PNPLA1: variants seen among roughly 807,000 people sequenced by gnomAD.
PNPLA1 encodes the protein omega-hydroxyceramide transacylase.
A neutral mutation model predicts 51.7 loss-of-function variants in PNPLA1; 36 were observed. The observed-to-expected ratio is 0.70, with a 90% CI of 0.53 to 0.92. The LOEUF is 0.92. PNPLA1 is among the 40% of genes least tolerant of loss of function. The pLI is 0.00. For missense variants in PNPLA1, 658 were observed against 682.5 expected (o/e 0.96, Z 0.40); for synonymous variants, 293 against 280.1 (o/e 1.05, Z -0.46).
chr6:36,246,227 C>T (rs958603087), intron 1 of PNPLA1, among the ~76,000 whole-genome samples: 1 of 151,166 alleles, frequency 6.6e-6, no homozygotes, highest in South Asian at 2.1e-4. Flanking sequence ...TTTTTTTTGA[C>T]GAGGTCTTAC....
chr6:36,295,445 A>C, intron 5 of PNPLA1, 21 bp downstream of exon 5: 1 of 1,611,754 alleles, frequency 6.2e-7, no homozygotes, highest in Non-Finnish European at 8.5e-7. Flanking sequence ...GTGGGGCCCC[A>C]GGTAAGGGCA....
At chr6:36,244,100 G>A (rs6900724) in intron 1 of PNPLA1, among the ~76,000 whole-genome samples, 458 of 152,158 alleles carry the variant, frequency 3.0e-3, no homozygotes, top group African/African-American at 0.01. Context: ...CATGCACAGC[G>A]TTTCTTTCTC....
chr6:36,284,160 A>C (rs1770404370), intron 1 of PNPLA1, among the ~76,000 whole-genome samples: 1 of 152,250 alleles, frequency 6.6e-6, no homozygotes, highest in Admixed American at 6.5e-5. Context: ...ACCTGAGGGC[A>C]AGCAAAGAGT....
chr6:36,292,980 G>T, intron 2 of PNPLA1, 81 bp from the exon 3 acceptor site: 1 of 1,248,690 alleles, frequency 8.0e-7, no homozygotes, highest in South Asian at 1.4e-5. Context: ...GCTGGTGGTG[G>T]GTGGCCCAGG....
intron 1 of PNPLA1, among the ~76,000 whole-genome samples, chr6:36,282,607 T>G (rs983701440): frequency 6.6e-6 from 1 of 152,198 alleles, no homozygotes; most frequent in Admixed American, 6.5e-5. Flanking sequence ...TATCAGCAGG[T>G]GCTAACTGAG....
At chr6:36,250,327 C>T (rs1176414606) in intron 1 of PNPLA1, among the ~76,000 whole-genome samples, 3 of 152,132 alleles carry the variant, frequency 2.0e-5, no homozygotes, top group Admixed American at 2.0e-4. Flanking sequence ...TGGCAGCAGT[C>T]CTGTGATCAT....
At position 36,291,558 on chromosome 6, in the gene PNPLA1, GGGGCT is replaced by G; in HGVS notation, c.438+15_438+19del. On this transcript the variant is annotated splice_region_variant and intron_variant, in intron 2 of 8. Coordinates refer to ENST00000636260, the MANE Select transcript of PNPLA1 (RefSeq NM_001374623.1). ...CCAAGGAGGAGCTCATTGAGGCAAG[GGGGCT>G]GGGCTGGGAGGGAGGGACACGGAGG... The G allele has an allele frequency of 1.3e-6, 2 of 1,505,250 alleles. No homozygotes were observed. Among genetic ancestry groups the G allele is most frequent in the Non-Finnish European group, 1.8e-6 (2 of 1,096,054 alleles). 93.2% of individuals were successfully genotyped at this position (1,505,250 alleles called of 1,614,324 possible). A position where few individuals can be genotyped will look rare whatever the true frequency, so the allele number is the denominator to read the frequency against.
chr6:36,284,457 T>A (rs1346685432), intron 1 of PNPLA1, among the ~76,000 whole-genome samples: 1 of 152,120 alleles, frequency 6.6e-6, no homozygotes, highest in East Asian at 1.9e-4. Flanking sequence ...ACATTCTAGT[T>A]CTATTTCTGC....
chr6:36,302,034 A>T lies in PNPLA1; in HGVS notation c.949A>T (p.Lys317Ter), dbSNP rs1269714489. The T allele has an allele frequency of 6.2e-7, 1 of 1,614,108 alleles. No individual in the cohort carries two copies. Among genetic ancestry groups the T allele is most frequent in the East Asian group, 2.2e-5 (1 of 44,900 alleles). The change falls in exon 6 of 9, where the codon AAA (lysine) becomes TAA (stop). Residue 317 changes from lysine to a stop codon, truncating the protein, a stop_gained. Coordinates refer to ENST00000636260, the MANE Select transcript of PNPLA1 (RefSeq NM_001374623.1). LOFTEE classifies it high-confidence loss of function. ...ACAACCTCACAAGGAGTGGGTTCCC[A>T]AAGGGGATGGAAGGGGCAGCCATGG... The part of the protein sequence containing the change: ...ATQPHKEWVP[K>*]GDGRGSHGPP...
intron 7 of PNPLA1, 111 bp from the exon 8 acceptor site, chr6:36,307,476 G>T: frequency 8.1e-7 from 1 of 1,241,950 alleles, no homozygotes; most frequent in African/African-American, 1.5e-5. Context: ...TCCTCAGCCA[G>T]GGTTGAGAAC....
At chr6:36,301,798 A>G (rs55882160) in intron 5 of PNPLA1, 63 bp from the exon 6 acceptor site, 16 of 1,543,436 alleles carry the variant, frequency 1.0e-5, no homozygotes, top group Admixed American at 2.0e-5. Context: ...TCAAGAAACC[A>G]TTTTTGCAAA....
At chr6:36,272,886 T>A (rs1453187909) in intron 1 of PNPLA1, among the ~76,000 whole-genome samples, 1 of 152,182 alleles carries the variant, frequency 6.6e-6, no homozygotes, top group Non-Finnish European at 1.5e-5. Flanking sequence ...TTTTTCTTTT[T>A]AATGTCTCAC....
At chr6:36,283,390 CCAAA>C (rs1185286953) in intron 1 of PNPLA1, among the ~76,000 whole-genome samples, 6 of 152,160 alleles carry the variant, frequency 3.9e-5, no homozygotes, top group Non-Finnish European at 7.4e-5. Flanking sequence ...GGGAAGACAG[CCAAA>C]CAAATGGTAA....
At chr6:36,252,392 G>A (rs56135146) in intron 1 of PNPLA1, among the ~76,000 whole-genome samples, 1,883 of 152,290 alleles carry the variant, frequency 0.012, 36 homozygotes, top group African/African-American at 0.041. Flanking sequence ...CAGTAACGCA[G>A]CAAGGAGATG....
At chr6:36,253,037 G>A (rs1220735409) in intron 1 of PNPLA1, among the ~76,000 whole-genome samples, 3 of 152,090 alleles carry the variant, frequency 2.0e-5, no homozygotes, top group African/African-American at 4.8e-5. Flanking sequence ...AAAATTAGCC[G>A]AGCGTGGTGG....
Position 36,294,178 on chromosome 6 carries a change from C to T in PNPLA1, c.505-12C>T. On this transcript the variant is annotated splice_polypyrimidine_tract_variant and intron_variant, in intron 3 of 8. Coordinates refer to ENST00000636260, the MANE Select transcript of PNPLA1 (RefSeq NM_001374623.1). The surrounding 1 kb of genome is among the most constrained non-coding windows in gnomAD (Gnocchi z 4.2). ...TGGCCCCAAGTGGGCATTTCTCACT[C>T]TGCCCCCACAGAGGTACATCGATGG... 6.2e-7 allele frequency: 1 copy of T among 1,613,594 alleles called. No individual in the cohort carries two copies. The highest frequency in any genetic ancestry group is 8.5e-7 in the Non-Finnish European group (1 of 1,179,674).
intron 5 of PNPLA1, among the ~76,000 whole-genome samples, chr6:36,301,104 C>T (rs1771027928): frequency 9.1e-6 from 1 of 109,796 alleles, no homozygotes; most frequent in South Asian, 3.1e-4. Context: ...TAGATAAACG[C>T]CATCCCCCCG....
intron 1 of PNPLA1, among the ~76,000 whole-genome samples, chr6:36,255,913 C>A (rs1769522601): frequency 6.6e-6 from 1 of 152,306 alleles, no homozygotes; most frequent in Non-Finnish European, 1.5e-5. Context: ...ATCTTAGATT[C>A]AGTAGGTCTG....
intron 1 of PNPLA1, among the ~76,000 whole-genome samples, chr6:36,289,870 C>T (rs368333164): frequency 3.2e-4 from 48 of 152,154 alleles, no homozygotes; most frequent in African/African-American, 1.1e-3. Context: ...AGGAGTAGGG[C>T]ATCCTTAGTT....
Sources: gnomAD v4.1 joint callset for allele counts (sites outside exome capture counted in the v4.1 genomes callset) on GRCh38, gnomAD v4.1.1 for gene constraint, Gnocchi (gnomAD v3.1) non-coding constraint, MANE v1.5 for transcripts, NCBI Gene and HGNC (gene_info 2026-07-23, HGNC 2026-07-21) for gene names.